DYRK3: variants seen among roughly 807,000 people sequenced by gnomAD.
DYRK3 encodes dual specificity tyrosine-phosphorylation-regulated kinase 3.
Under a neutral mutation model 40.8 loss-of-function variants are expected in DYRK3, and 30 were observed. That is an observed-to-expected ratio of 0.74 (90% CI 0.55 to 1.00). The LOEUF is 1.00. Ranked by LOEUF, DYRK3 falls within the 50% of genes least tolerant of loss-of-function variation. DYRK3 has a pLI of 0.00. For missense variants in DYRK3, 699 were observed against 731.5 expected (o/e 0.96, Z 0.51); for synonymous variants, 272 against 260.7 (o/e 1.04, Z -0.42).
chr1:206,639,780 C>G (rs1671232179), intron 2 of DYRK3, among the ~76,000 whole-genome samples: 1 of 151,852 alleles, frequency 6.6e-6, no homozygotes, highest in South Asian at 2.1e-4. Context: ...TACTTTGATT[C>G]AGAGTTAGCC....
chr1:206,640,216 G>A (rs1217265853), intron 2 of DYRK3, among the ~76,000 whole-genome samples: 6 of 151,946 alleles, frequency 3.9e-5, no homozygotes, highest in Admixed American at 1.3e-4. Context: ...CTTTACAGGC[G>A]TGAGCCACCA....
intron 2 of DYRK3, among the ~76,000 whole-genome samples, chr1:206,638,399 C>T (rs1242772777): frequency 6.7e-6 from 1 of 149,990 alleles, no homozygotes; most frequent in Non-Finnish European, 1.5e-5. Context: ...GCCTTAGCCT[C>T]CTGAGTAGCT....
In DYRK3 at chr1:206,654,939, G is replaced by C. The variant is rs1671715902; in HGVS notation, c.*5974G>C. ...ATGAATAGACTAAAAAGAAAGGAGAGTCCCACATCAGGCCAAGTGGTGACC... is the reference window on the plus strand; with the variant it reads ...ATGAATAGACTAAAAAGAAAGGAGACTCCCACATCAGGCCAAGTGGTGACC... On this transcript the variant is annotated 3_prime_UTR_variant, in exon 3 of 3. Coordinates refer to ENST00000367109, the MANE Select transcript of DYRK3 (RefSeq NM_003582.4). Among the ~76,000 whole-genome samples the C allele has an allele frequency of 6.6e-6, 1 of 152,152 alleles. No homozygotes were observed. Among genetic ancestry groups the C allele is most frequent in the South Asian group, 2.1e-4 (1 of 4,822 alleles).
At chr1:206,636,170 C>T (rs782445659) in intron 1 of DYRK3, 8 of 834,390 alleles carry the variant, frequency 9.6e-6, no homozygotes, top group African/African-American at 6.9e-5. Flanking sequence ...GGATAACCAA[C>T]GGCTGAACTC....
intron 2 of DYRK3, among the ~76,000 whole-genome samples, chr1:206,643,183 GACAGC>G (rs538371126): frequency 1.3e-5 from 2 of 152,208 alleles, no homozygotes; most frequent in East Asian, 3.9e-4. Context: ...TGGAGGCAGG[GACAGC>G]ACAGCCCCTT....
In DYRK3 at chr1:206,648,357, A is replaced by G. The variant is rs1486054080; in HGVS notation, c.1159A>G (p.Ser387Gly). The G allele has an allele frequency of 3.1e-6, 5 of 1,614,062 alleles. No homozygotes were observed. In the Admixed American group the frequency reaches 6.7e-5, roughly 22 times the overall value. Residue 387 changes from serine to glycine, a missense_variant, in exon 3 of 3, where the codon AGC becomes GGC. By Grantham distance (56) the Ser-to-Gly change is moderately conservative (BLOSUM62 0). Coordinates refer to ENST00000367109, the MANE Select transcript of DYRK3 (RefSeq NM_003582.4). Reference protein sequence around the residue: ...APEIILGSRYSTPIDIWSFGC... With the variant: ...APEIILGSRYGTPIDIWSFGC... ...AGAAATCATCTTAGGAAGCCGCTAC[A>G]GCACACCAATTGACATATGGAGTTT...
chr1:206,644,031 C>CTTTT (rs556718022), intron 2 of DYRK3, among the ~76,000 whole-genome samples: 12 of 101,044 alleles, frequency 1.2e-4, no homozygotes, highest in South Asian at 4.0e-4. Context: ...GGACCTACAG[C>CTTTT]TTTTTTTTTT....
Position 206,648,516 on chromosome 1 carries a change from A to C in DYRK3, c.1318A>C (p.Lys440Gln). 6.2e-7 allele frequency: 1 copy of C among 1,614,156 alleles called. No individual in the cohort carries two copies. Among genetic ancestry groups the C allele is most frequent in the Non-Finnish European group, 8.5e-7 (1 of 1,180,022 alleles). The change falls in exon 3 of 3, where the codon AAG becomes CAG. Residue 440 changes from lysine to glutamine, a missense_variant. Transcript: ENST00000367109. ...ACTTCTGGAGCAATCCAAACGTGCC[A>C]AGTACTTTATTAATTCCAAGGGCAT... ...PKLLEQSKRAKYFINSKGIPR... is the reference protein window; with the variant it reads ...PKLLEQSKRAQYFINSKGIPR...
chr1:206,651,885 G>A lies in DYRK3; in HGVS notation c.*2920G>A, dbSNP rs1430257676. Among the ~76,000 whole-genome samples the A allele has an allele frequency of 6.6e-6, 1 of 152,214 alleles. No individual in the cohort carries two copies. The highest frequency in any genetic ancestry group is 2.4e-5 in the African/African-American group (1 of 41,466). On this transcript the variant is annotated 3_prime_UTR_variant, in exon 3 of 3. Coordinates refer to ENST00000367109, the MANE Select transcript of DYRK3 (RefSeq NM_003582.4). The stretch of plus-strand genomic sequence containing the variant: ...CATTTTATATCAACATTAGCAGCCT[G>A]TTCCCACTCAGGTGCTGTCCAAGGC...
rs1671575396 is a variant in DYRK3 at position 206,649,519 on chromosome 1, C to T, written c.*554C>T. Among the ~76,000 whole-genome samples the T allele has an allele frequency of 6.6e-6, 1 of 152,194 alleles. No homozygotes were observed. The highest frequency in any genetic ancestry group is 1.5e-5 in the Non-Finnish European group (1 of 68,032). ...GTCCCTGGTTTTCAGTGACTCGCTCCTCTTCCCTTCAGTTCTCTGATGTTT... is the reference window on the plus strand; with the variant it reads ...GTCCCTGGTTTTCAGTGACTCGCTCTTCTTCCCTTCAGTTCTCTGATGTTT... On this transcript the variant is annotated 3_prime_UTR_variant, in exon 3 of 3. Coordinates refer to ENST00000367109, the MANE Select transcript of DYRK3 (RefSeq NM_003582.4).
At chr1:206,638,501 C>T (rs1219225700) in intron 2 of DYRK3, among the ~76,000 whole-genome samples, 3 of 151,522 alleles carry the variant, frequency 2.0e-5, no homozygotes, top group African/African-American at 7.3e-5. Flanking sequence ...GTCTTGAACT[C>T]CTGACCTCGT....
chr1:206,647,285 T>G (rs1671481816), intron 2 of DYRK3, 103 bp from the exon 3 acceptor site: 2 of 1,203,774 alleles, frequency 1.7e-6, no homozygotes, highest in South Asian at 3.3e-5. Flanking sequence ...AACCTTAAAG[T>G]AAACATGACT....
intron 1 of DYRK3, among the ~76,000 whole-genome samples, chr1:206,636,440 T>A (rs1482955304): frequency 3.3e-5 from 5 of 152,274 alleles, no homozygotes; most frequent in African/African-American, 1.2e-4. Flanking sequence ...TGGTTTGTTT[T>A]ATCAGGCTTA....
At chr1:206,637,042 G>T in intron 1 of DYRK3, 1 of 1,163,166 alleles carries the variant, frequency 8.6e-7, no homozygotes, top group South Asian at 1.3e-5. Flanking sequence ...TTTTTCTGCA[G>T]GTTAGGTAGA....
intron 1 of DYRK3, chr1:206,636,859 T>A (rs568213745): frequency 6.4e-7 from 1 of 1,557,750 alleles, no homozygotes; most frequent in African/African-American, 1.4e-5. Context: ...TCTCCGTCTT[T>A]TGTGTTCCCT....
At chr1:206,642,236 C>G (rs1671312430) in intron 2 of DYRK3, among the ~76,000 whole-genome samples, 1 of 150,640 alleles carries the variant, frequency 6.6e-6, no homozygotes, top group Non-Finnish European at 1.5e-5. Context: ...GAGATACCAT[C>G]TCACACCAGT....
In DYRK3 at chr1:206,635,544, G is replaced by T; in HGVS notation, c.-160G>T. The T allele has an allele frequency of 1.0e-6, 1 of 977,866 alleles. No homozygotes were observed. Among genetic ancestry groups the T allele is most frequent in the Non-Finnish European group, 1.3e-6 (1 of 756,894 alleles). The allele number at this position is 977,866 out of a possible 1,614,324, so 60.6% of individuals were successfully genotyped here. ...TGGAGCTGCGTCTCCCCACTTCCCAGCCGGGGCCAGTCGGGAGCGAAAGTG... is the reference window on the plus strand; with the variant it reads ...TGGAGCTGCGTCTCCCCACTTCCCATCCGGGGCCAGTCGGGAGCGAAAGTG... On this transcript the variant is annotated 5_prime_UTR_variant, in exon 1 of 3. Coordinates refer to ENST00000367109, the MANE Select transcript of DYRK3 (RefSeq NM_003582.4).
At chr1:206,643,758 C>T (rs1671353234) in intron 2 of DYRK3, among the ~76,000 whole-genome samples, 1 of 151,856 alleles carries the variant, frequency 6.6e-6, no homozygotes, top group Non-Finnish European at 1.5e-5. Context: ...TAGTGCTAGA[C>T]GCATGATGGA....
intron 2 of DYRK3, among the ~76,000 whole-genome samples, chr1:206,641,643 C>T (rs1671294997): frequency 6.7e-6 from 1 of 150,278 alleles, no homozygotes; most frequent in African/African-American, 2.5e-5. Flanking sequence ...GAGTTATTTA[C>T]AGGAAAGGAA....
Sources: allele counts gnomAD v4.1 joint callset (sites outside exome capture counted in the v4.1 genomes callset), GRCh38; gene constraint gnomAD v4.1.1; transcripts MANE v1.5; gene names NCBI Gene and HGNC (gene_info 2026-07-23, HGNC 2026-07-21).